The following IL36RN variants were observed in gnomAD, a reference collection of about 807,000 sequenced individuals.
The protein encoded by IL36RN is interleukin 36 receptor antagonist.
Under a neutral mutation model 13.0 loss-of-function variants are expected in IL36RN, and 11 were observed. The ratio of observed to expected loss-of-function variants is 0.85; its 90% CI spans 0.53 to 1.40. IL36RN has a LOEUF of 1.40. Ranked by LOEUF, IL36RN falls within the 40% of genes most tolerant of loss-of-function variation. The pLI, the probability that IL36RN is intolerant of heterozygous loss-of-function variation, is 0.00. For synonymous variants in IL36RN, 94 were observed against 84.1 expected, an observed-to-expected ratio of 1.12 and a Z score of -0.64; for missense variants, 195 against 195.3, an observed-to-expected ratio of 1.00 and a Z score of 0.01.
chr2:113,060,504 G>A (rs1210858766), intron 2 of IL36RN, among the ~76,000 whole-genome samples: 2 of 152,334 alleles, frequency 1.3e-5, no homozygotes, highest in Admixed American at 6.5e-5. Flanking sequence ...CAGAGTGGGC[G>A]AGAGAGTTGT....
rs994341593 is a variant in IL36RN, at chr2:113,060,396, A to C, written c.30-456A>C. Among the ~76,000 whole-genome samples the C allele has an allele frequency of 9.9e-5, 15 of 152,224 alleles. 1 individual carries two copies. In the East Asian group the frequency reaches 2.9e-3, roughly 29 times the overall value. On this transcript the variant is annotated intron_variant, in intron 2 of 4. Coordinates refer to ENST00000393200, the MANE Select transcript of IL36RN (RefSeq NM_012275.3). ...GGAATATATGACCAAATAGAAATAC[A>C]TGTATCTTGAAGAATTGAAGAATCA...
In IL36RN at chr2:113,063,187, T is replaced by C. The variant is rs1685679065; in HGVS notation, c.*510T>C. 5.1e-6 allele frequency: 1 copy of C among 197,168 alleles called. No homozygotes were observed. The highest frequency in any genetic ancestry group is 1.1e-5 in the Non-Finnish European group (1 of 94,726). The allele number at this position is 197,168 out of a possible 1,614,324, so 12.2% of individuals were successfully genotyped here. On this transcript the variant is annotated 3_prime_UTR_variant, in exon 5 of 5. Coordinates refer to ENST00000393200, the MANE Select transcript of IL36RN (RefSeq NM_012275.3). ...CTTTAATCCTGCCACTGTCATATGC[T>C]ACCTTTCCTATCTCTTCCCTCATCA...
At chr2:113,061,862 A>G (rs3820738) in intron 3 of IL36RN, among the ~76,000 whole-genome samples, 91,241 of 151,708 alleles carry the variant, frequency 0.6, 27,739 homozygotes, top group South Asian at 0.8. Context: ...AGGGGGTTGA[A>G]TCTATTTTGG....
At chr2:113,059,324 T>TG (rs1685590909) in intron 1 of IL36RN, 83 bp downstream of exon 1, 1 of 1,159,644 alleles carries the variant, frequency 8.6e-7, no homozygotes, top group African/African-American at 1.5e-5. Flanking sequence ...GTTCACATGC[T>TG]GGGGAGCTCG....
chr2:113,060,783 T>C, intron 2 of IL36RN, 69 bp from the exon 3 acceptor site: 1 of 1,113,376 alleles, frequency 9.0e-7, no homozygotes, highest in South Asian at 1.3e-5. Context: ...GGGGGTTCTC[T>C]GGATCCAGGG....
At chr2:113,061,710 G>A (rs1446548948) in intron 3 of IL36RN, among the ~76,000 whole-genome samples, 3 of 152,304 alleles carry the variant, frequency 2.0e-5, no homozygotes, top group Non-Finnish European at 4.4e-5. Context: ...TGTGGGTGGT[G>A]AGGGGATGTA....
intron 3 of IL36RN, among the ~76,000 whole-genome samples, chr2:113,061,423 T>C (rs1372306814): frequency 1.3e-5 from 2 of 152,136 alleles, no homozygotes; most frequent in Non-Finnish European, 2.9e-5. Context: ...CCCCATGCAC[T>C]GCAACACGTC....
chr2:113,062,052 C>A, intron 3 of IL36RN, 72 bp from the exon 4 acceptor site: 4 of 1,577,696 alleles, frequency 2.5e-6, no homozygotes, highest in Non-Finnish European at 2.6e-6. Flanking sequence ...CAGTCCTGTG[C>A]CCTAGAGCCC....
Position 113,062,972 on chromosome 2 carries a change from T to G in IL36RN, c.*295T>G. 2.4e-6 allele frequency: 1 copy of G among 418,328 alleles called. No homozygotes were observed. The highest frequency in any genetic ancestry group is 5.4e-5 in the East Asian group (1 of 18,492). The allele number at this position is 418,328 out of a possible 1,614,324, so 25.9% of individuals were successfully genotyped here. Reference sequence around the variant, plus strand: ...CTGTGGAGGTGGGGTGGGGGAGTGGTGGGAATCATTCCTGCTTAATGGTAA... The same window carrying G: ...CTGTGGAGGTGGGGTGGGGGAGTGGGGGGAATCATTCCTGCTTAATGGTAA... On this transcript the variant is annotated 3_prime_UTR_variant, in exon 5 of 5. Transcript: ENST00000393200.
chr2:113,059,550 A>G (rs1685598540), intron 2 of IL36RN, 83 bp downstream of exon 2: 3 of 1,457,220 alleles, frequency 2.1e-6, no homozygotes, highest in Non-Finnish European at 2.9e-6. Flanking sequence ...TCTGAGCAGG[A>G]GGGAGGAAGG....
chr2:113,060,543 G>T (rs1530552), intron 2 of IL36RN, among the ~76,000 whole-genome samples: 104,525 of 152,072 alleles, frequency 0.69, 36,718 homozygotes, highest in East Asian at 0.93. Context: ...ATTGGAGGCA[G>T]AGATGGGGCA....
At position 113,064,623 on chromosome 2, in the gene IL36RN, C is replaced by A. The variant is rs1336261968; in HGVS notation, c.*1946C>A. ...AAAAATGAAGTCTCCTGCCCACAGCCACATTAGTGAACCTAGAAGCAGAGA... is the reference window on the plus strand; with the variant it reads ...AAAAATGAAGTCTCCTGCCCACAGCAACATTAGTGAACCTAGAAGCAGAGA... On this transcript the variant is annotated 3_prime_UTR_variant, in exon 5 of 5. Transcript: ENST00000393200. The A allele has an allele frequency of 6.6e-6, 1 of 152,150 alleles. No homozygotes were observed. Among genetic ancestry groups the A allele is most frequent in the Non-Finnish European group, 1.5e-5 (1 of 68,040 alleles). The allele number at this position is 152,150 out of a possible 1,614,324, so 9.4% of individuals were successfully genotyped here.
At chr2:113,061,007 C>T in intron 3 of IL36RN, 70 bp downstream of exon 3, 1 of 1,165,366 alleles carries the variant, frequency 8.6e-7, no homozygotes, top group Non-Finnish European at 1.3e-6. Flanking sequence ...CTGAAGAGGG[C>T]TTAGAATAGT....
chr2:113,060,748 AAG>A, intron 2 of IL36RN, 102 bp from the exon 3 acceptor site: 2 of 807,270 alleles, frequency 2.5e-6, no homozygotes, highest in South Asian at 2.9e-5. Context: ...AGTAGGAAGA[AAG>A]AGAGACAAAA....
chr2:113,061,017 T>A, intron 3 of IL36RN, 80 bp downstream of exon 3: 1 of 1,073,176 alleles, frequency 9.3e-7, no homozygotes. Context: ...CTTAGAATAG[T>A]CATACAGATT....
chr2:113,061,228 C>T (rs1328874043), intron 3 of IL36RN, among the ~76,000 whole-genome samples: 1 of 152,184 alleles, frequency 6.6e-6, no homozygotes, highest in African/African-American at 2.4e-5. Flanking sequence ...CATTGCATTC[C>T]CTGGGAGCCA....
At position 113,059,416 on chromosome 2, in the gene IL36RN, G is replaced by C; in HGVS notation, c.-23G>C. On this transcript the variant is annotated 5_prime_UTR_variant, in exon 2 of 5. Coordinates refer to ENST00000393200, the MANE Select transcript of IL36RN (RefSeq NM_012275.3). ...CTGTTGTTTATTCCAAAATAGGGGA[G>C]TCTACACCCTGTGGAGCTCAAGATG... is the stretch of plus-strand genomic sequence containing the variant. The C allele has an allele frequency of 6.2e-7, 1 of 1,613,532 alleles. No individual in the cohort carries two copies. The highest frequency in any genetic ancestry group is 2.2e-5 in the East Asian group (1 of 44,852).
intron 2 of IL36RN, 30 bp from the exon 3 acceptor site, chr2:113,060,822 T>A: frequency 6.5e-7 from 1 of 1,539,196 alleles, no homozygotes. Flanking sequence ...CTCCTCCTAA[T>A]GTAGTCCTCA....
rs768627 is a variant in IL36RN, at chr2:113,064,076, T to C, written c.*1399T>C. Reference sequence around the variant, plus strand: ...GGAGAGGACACAGAGACAGAGGAGATGCGGGGAAGACTATGTAAAGATGAA... The same window carrying C: ...GGAGAGGACACAGAGACAGAGGAGACGCGGGGAAGACTATGTAAAGATGAA... On this transcript the variant is annotated 3_prime_UTR_variant, in exon 5 of 5. Transcript: ENST00000393200. 99,173 of 151,998 alleles carry C rather than the reference T, an allele frequency of 0.65. 32,676 individuals are homozygous for C. The highest frequency in any genetic ancestry group is 0.8 in the South Asian group (3,870 of 4,824). 9.4% of individuals were successfully genotyped at this position (151,998 alleles called of 1,614,324 possible).
Sources: gnomAD v4.1 joint callset for allele counts (sites outside exome capture counted in the v4.1 genomes callset) on GRCh38, gnomAD v4.1.1 for gene constraint, MANE v1.5 for transcripts, NCBI Gene and HGNC (gene_info 2026-07-23, HGNC 2026-07-21) for gene names.